The following TBC1D5 variants were observed in gnomAD, a reference collection of about 807,000 sequenced individuals.
TBC1D5 encodes the protein TBC1 domain family, member 5.
TBC1D5 carries 75 observed loss-of-function variants against 100.3 expected under a neutral mutation model. The observed-to-expected ratio is 0.75, with a 90% CI of 0.62 to 0.91. TBC1D5 has a LOEUF of 0.91. Ranked by LOEUF, TBC1D5 falls within the 40% of genes least tolerant of loss-of-function variation. TBC1D5 has a pLI of 0.00. For missense variants in TBC1D5, 910 were observed against 942.4 expected, an observed-to-expected ratio of 0.97 and a Z score of 0.45; for synonymous variants, 323 against 325.6, an observed-to-expected ratio of 0.99 and a Z score of 0.09.
rs545955230 is a variant in TBC1D5, at chr3:17,441,369, T to C, written c.98-12850A>G. Among the ~76,000 whole-genome samples, 160 of 152,264 alleles carry C rather than the reference T, an allele frequency of 1.1e-3. 1 individual carries two copies. Among genetic ancestry groups the C allele is most frequent in the African/African-American group, 3.7e-3 (154 of 41,550 alleles). On this transcript the variant is annotated intron_variant, in intron 3 of 21. Coordinates refer to ENST00000253692, the Ensembl canonical transcript of TBC1D5. ...GTAAATAAAATACAAAACAGAATAA[T>C]GTGACAGTGACTGTGGGAGGTTGCT...
intron 9 of TBC1D5, among the ~76,000 whole-genome samples, chr3:17,383,461 A>C (rs1362023925): frequency 6.6e-6 from 1 of 152,064 alleles, no homozygotes; most frequent in African/African-American, 2.4e-5. Context: ...AAAGGAACTA[A>C]ATACACATTT....
At chr3:17,395,310 A>T (rs1021871756) in intron 8 of TBC1D5, among the ~76,000 whole-genome samples, 4 of 152,102 alleles carry the variant, frequency 2.6e-5, no homozygotes, top group Non-Finnish European at 4.4e-5. Flanking sequence ...ATTAGGAAAA[A>T]ATATAAACGT....
intron 2 of TBC1D5, among the ~76,000 whole-genome samples, chr3:17,598,490 TATTATAAC>T (rs1208384416): frequency 1.3e-5 from 2 of 152,200 alleles, no homozygotes; most frequent in Admixed American, 6.5e-5. Flanking sequence ...CTACTCCTTA[TATTATAAC>T]ATTTGTTTCA....
intron 2 of TBC1D5, among the ~76,000 whole-genome samples, chr3:17,616,584 C>T (rs963117151): frequency 6.6e-6 from 1 of 152,048 alleles, no homozygotes; most frequent in East Asian, 1.9e-4. Flanking sequence ...GTATTGGGTG[C>T]ATATATATTT....
intron 1 of TBC1D5, among the ~76,000 whole-genome samples, chr3:17,677,957 T>G (rs2068868900): frequency 6.6e-6 from 1 of 151,950 alleles, no homozygotes; most frequent in African/African-American, 2.4e-5. Context: ...TGAGAACACT[T>G]GGACACAGGA....
chr3:17,307,366 A>G (rs768386560), intron 14 of TBC1D5, among the ~76,000 whole-genome samples: 1 of 152,216 alleles, frequency 6.6e-6, no homozygotes, highest in Non-Finnish European at 1.5e-5. Context: ...TTTGAAATTT[A>G]AAATACACAC....
intron 21 of TBC1D5, among the ~76,000 whole-genome samples, chr3:17,162,000 A>G (rs2066106149): frequency 6.6e-6 from 1 of 151,796 alleles, no homozygotes; most frequent in South Asian, 2.1e-4. Flanking sequence ...TTTCTAAGCA[A>G]TTATGAGTGG....
rs2069310752 is a variant in TBC1D5 at position 17,680,530 on chromosome 3, C to G, written c.-100-56617G>C. On this transcript the variant is annotated intron_variant, in intron 1 of 21. Coordinates refer to ENST00000253692, the Ensembl canonical transcript of TBC1D5. ...ACGTGAGCTACAGTGCCTGGCTATT[C>G]ACTTTTTAATAAAAGGCTTTCCTAT... 2.0e-5 allele frequency among the ~76,000 whole-genome samples: 3 copies of G among 151,344 alleles called. No homozygotes were observed. In the South Asian group the frequency reaches 6.2e-4, roughly 31 times the overall value.
intron 3 of TBC1D5, among the ~76,000 whole-genome samples, chr3:17,493,262 TG>T (rs1439615632): frequency 6.6e-6 from 1 of 152,082 alleles, no homozygotes. Flanking sequence ...TGTTGAATAT[TG>T]GCCTCCAATC....
intron 1 of TBC1D5, among the ~76,000 whole-genome samples, chr3:17,640,963 TAA>T (rs200146620): frequency 1.4e-5 from 2 of 144,024 alleles, no homozygotes. Flanking sequence ...ATCTCAGCCT[TAA>T]AAAAAAAAAA....
chr3:17,338,474 C>G (rs909862233), intron 13 of TBC1D5: 1 of 152,206 alleles, frequency 6.6e-6, no homozygotes, highest in Non-Finnish European at 1.5e-5. Context: ...TATCATCAAT[C>G]TTCTCTTTCC....
intron 1 of TBC1D5, among the ~76,000 whole-genome samples, chr3:17,705,028 G>C (rs1355653714): frequency 8.2e-6 from 1 of 121,524 alleles, no homozygotes; most frequent in African/African-American, 3.2e-5. Context: ...CCTCCCGGAC[G>C]GGGCGGCTGG....
chr3:17,704,547 G>A (rs1418704392), intron 1 of TBC1D5, among the ~76,000 whole-genome samples: 2 of 80,986 alleles, frequency 2.5e-5, no homozygotes, highest in South Asian at 5.6e-4. Context: ...GGCCGGGCGG[G>A]GGGCCGACCC....
chr3:17,645,479 G>C (rs747074480), intron 1 of TBC1D5, among the ~76,000 whole-genome samples: 1 of 151,994 alleles, frequency 6.6e-6, no homozygotes, highest in Non-Finnish European at 1.5e-5. Context: ...CGACCACTTC[G>C]GCAACTAAAT....
chr3:17,243,169 A>G (rs1472619726), intron 16 of TBC1D5, among the ~76,000 whole-genome samples: 2 of 152,158 alleles, frequency 1.3e-5, no homozygotes, highest in South Asian at 4.1e-4. Flanking sequence ...TGAGTTGTGT[A>G]ACCATGAGAG....
At chr3:17,622,492 A>G (rs138140639) in intron 2 of TBC1D5, among the ~76,000 whole-genome samples, 3 of 152,218 alleles carry the variant, frequency 2.0e-5, no homozygotes, top group Non-Finnish European at 4.4e-5. Context: ...GAAGTTGTCC[A>G]TATCTCTTAT....
At chr3:17,705,913 C>CGGGCCCGCG (rs1182941702) in intron 1 of TBC1D5, 1 of 934,472 alleles carries the variant, frequency 1.1e-6, no homozygotes, top group African/African-American at 1.7e-5. Flanking sequence ...TCCTTGCCCT[C>CGGGCCCGCG]GGGCCCGCGG....
intron 13 of TBC1D5, among the ~76,000 whole-genome samples, chr3:17,314,550 C>T (rs1051070594): frequency 1.3e-5 from 2 of 152,152 alleles, no homozygotes; most frequent in African/African-American, 4.8e-5. Flanking sequence ...AGTGTATGGT[C>T]TCCTAGGACC....
rs1553888485 is a variant in TBC1D5, at chr3:17,631,059, A to AAAAAAAAG, written c.-100-7147_-100-7146insCTTTTTTT. Among the ~76,000 whole-genome samples, 25 of 133,362 alleles carry AAAAAAAAG rather than the reference A, an allele frequency of 1.9e-4. 5 individuals are homozygous for AAAAAAAAG. Among genetic ancestry groups the AAAAAAAAG allele is most frequent in the Non-Finnish European group, 1.9e-4 (12 of 64,032 alleles). The allele number at this position is 133,362 out of a possible 152,430, so 87.5% of individuals were successfully genotyped here. ...ACTCCGTCTCAAAAAAAAAAAAAAA[A>AAAAAAAAG]AAAGTTAGGCCTCCTGAACCAAAAA... On this transcript the variant is annotated intron_variant, in intron 1 of 21. Coordinates refer to ENST00000253692, the Ensembl canonical transcript of TBC1D5.
Sources: allele counts gnomAD v4.1 joint callset (sites outside exome capture counted in the v4.1 genomes callset), GRCh38; gene constraint gnomAD v4.1.1; transcripts MANE v1.5; gene names NCBI Gene and HGNC (gene_info 2026-07-23, HGNC 2026-07-21).